The following FHIT variants were observed in gnomAD, a reference collection of about 807,000 sequenced individuals.
The protein encoded by FHIT is fragile histidine triad diadenosine triphosphatase.
A neutral mutation model predicts 17.9 loss-of-function variants in FHIT; 19 were observed. That is an observed-to-expected ratio of 1.06 (90% CI 0.74 to 1.56). The LOEUF is 1.56. FHIT is among the 40% of genes most tolerant of loss of function. The pLI, the probability that FHIT is intolerant of heterozygous loss-of-function variation, is 0.00. For synonymous variants in FHIT, 81 were observed against 69.7 expected (o/e 1.16, Z -0.81); for missense variants, 248 against 189.2 (o/e 1.31, Z -1.82).
intron 5 of FHIT, among the ~76,000 whole-genome samples, chr3:60,446,857 A>AAATAATAAT (rs144268974): frequency 1.2e-3 from 172 of 139,028 alleles, no homozygotes; most frequent in African/African-American, 1.2e-3. Context: ...TATCTCATTA[A>AAATAATAAT]AATAATAATA....
chr3:60,822,893 A>T (rs1005259887), intron 3 of FHIT, among the ~76,000 whole-genome samples: 3 of 152,084 alleles, frequency 2.0e-5, no homozygotes, highest in African/African-American at 7.2e-5. Flanking sequence ...CACTGCTCTG[A>T]CCTCTACCTC....
intron 5 of FHIT, among the ~76,000 whole-genome samples, chr3:60,112,364 G>T (rs758245313): frequency 6.6e-6 from 1 of 152,142 alleles, no homozygotes; most frequent in East Asian, 1.9e-4. Flanking sequence ...CTCTACTAAT[G>T]CAAGAAACCA....
chr3:60,883,109 T>C (rs1553758384), intron 3 of FHIT, among the ~76,000 whole-genome samples: 1 of 151,910 alleles, frequency 6.6e-6, no homozygotes, highest in Non-Finnish European at 1.5e-5. Context: ...GCAACCTTAC[T>C]TACAATAGCT....
At chr3:60,834,915 A>T (rs1326462550) in intron 3 of FHIT, among the ~76,000 whole-genome samples, 1 of 152,012 alleles carries the variant, frequency 6.6e-6, no homozygotes, top group Non-Finnish European at 1.5e-5. Flanking sequence ...CACGGTGCAA[A>T]AGCAAAAGTT....
At chr3:60,874,050 A>G (rs1209350842) in intron 3 of FHIT, among the ~76,000 whole-genome samples, 1 of 152,150 alleles carries the variant, frequency 6.6e-6, no homozygotes, top group Non-Finnish European at 1.5e-5. Flanking sequence ...TTTTTAAATT[A>G]TGAAATTATT....
intron 5 of FHIT, among the ~76,000 whole-genome samples, chr3:60,067,699 G>A (rs190231933): frequency 6.6e-6 from 1 of 152,270 alleles, no homozygotes; most frequent in African/African-American, 2.4e-5. Context: ...TAGTCGACAT[G>A]AAGGCTCAAG....
intron 5 of FHIT, among the ~76,000 whole-genome samples, chr3:60,196,510 A>T (rs1234226058): frequency 6.6e-6 from 1 of 152,122 alleles, no homozygotes. Flanking sequence ...CAAAATTTTT[A>T]ACCTAATCAC....
At chr3:60,233,277 T>C (rs1415120704) in intron 5 of FHIT, among the ~76,000 whole-genome samples, 1 of 152,154 alleles carries the variant, frequency 6.6e-6, no homozygotes, top group African/African-American at 2.4e-5. Context: ...TGCCTGGCAA[T>C]CCATGATTTT....
At chr3:59,790,444 G>A (rs1018851712) in intron 8 of FHIT, among the ~76,000 whole-genome samples, 1 of 152,094 alleles carries the variant, frequency 6.6e-6, no homozygotes, top group Non-Finnish European at 1.5e-5. Context: ...ATTATAGTAA[G>A]AGCAGCTTCC....
intron 5 of FHIT, among the ~76,000 whole-genome samples, chr3:60,167,451 G>A (rs543984898): frequency 6.6e-6 from 1 of 152,214 alleles, no homozygotes; most frequent in African/African-American, 2.4e-5. Context: ...TTGCAGTTTA[G>A]ACTCTTAATT....
rs11915972 is a variant in FHIT, at chr3:60,364,322, T to C, written c.103+172538A>G. 2.7e-3 allele frequency among the ~76,000 whole-genome samples: 409 copies of C among 152,366 alleles called. 1 individual carries two copies. Among genetic ancestry groups the C allele is most frequent in the African/African-American group, 9.3e-3 (386 of 41,596 alleles). ...ATTCTAACTCCTCCTTTATAACTTATGAAGGCAGTTATTTTATTCAAACCT... is the reference window on the plus strand; with the variant it reads ...ATTCTAACTCCTCCTTTATAACTTACGAAGGCAGTTATTTTATTCAAACCT... On this transcript the variant is annotated intron_variant, in intron 5 of 9. Coordinates refer to ENST00000492590, the MANE Select transcript of FHIT (RefSeq NM_002012.4).
intron 7 of FHIT, among the ~76,000 whole-genome samples, chr3:59,970,823 C>T (rs3772475): frequency 0.18 from 25,015 of 137,118 alleles, 2,322 homozygotes; most frequent in East Asian, 0.39. Context: ...AAAACCTGCA[C>T]GTCCCACTCC....
chr3:60,876,680 T>C (rs1457613751), intron 3 of FHIT, among the ~76,000 whole-genome samples: 1 of 152,232 alleles, frequency 6.6e-6, no homozygotes, highest in East Asian at 1.9e-4. Flanking sequence ...CAAGATAACC[T>C]GAGTTGCTCT....
intron 5 of FHIT, among the ~76,000 whole-genome samples, chr3:60,053,093 T>C (rs1701948257): frequency 6.6e-6 from 1 of 151,948 alleles, no homozygotes; most frequent in Non-Finnish European, 1.5e-5. Flanking sequence ...CTCCATCCCA[T>C]CTTAGCACCT....
At chr3:59,772,918 C>G (rs1375948630) in intron 8 of FHIT, among the ~76,000 whole-genome samples, 1 of 152,196 alleles carries the variant, frequency 6.6e-6, no homozygotes, top group African/African-American at 2.4e-5. Context: ...AGCTCATTCA[C>G]ATGTACTTAC....
At chr3:59,858,056 T>C (rs1361983959) in intron 8 of FHIT, among the ~76,000 whole-genome samples, 3 of 152,202 alleles carry the variant, frequency 2.0e-5, no homozygotes, top group East Asian at 3.9e-4. Context: ...CAACTATGCT[T>C]AGACACAGCC....
intron 5 of FHIT, among the ~76,000 whole-genome samples, chr3:60,192,971 T>C (rs549857000): frequency 6.6e-6 from 1 of 152,332 alleles, no homozygotes; most frequent in South Asian, 2.1e-4. Context: ...TCTGTGTTCT[T>C]AAAATCATTC....
intron 5 of FHIT, among the ~76,000 whole-genome samples, chr3:60,341,388 C>CTT: frequency 6.6e-6 from 1 of 152,276 alleles, no homozygotes; most frequent in South Asian, 2.1e-4. Context: ...ATAAGCACTG[C>CTT]ATTTAAAACC....
intron 5 of FHIT, among the ~76,000 whole-genome samples, chr3:60,434,939 T>A (rs1458073004): frequency 6.6e-6 from 1 of 152,154 alleles, no homozygotes; most frequent in Non-Finnish European, 1.5e-5. Context: ...CAGGTATCAT[T>A]TGTAACAGTG....
Sources: gnomAD v4.1 joint callset for allele counts (sites outside exome capture counted in the v4.1 genomes callset) on GRCh38, gnomAD v4.1.1 for gene constraint, MANE v1.5 for transcripts, NCBI Gene and HGNC (gene_info 2026-07-23, HGNC 2026-07-21) for gene names.